The following SGMS1 variants were observed in gnomAD, a reference collection of about 807,000 sequenced individuals.
SGMS1 encodes the protein sphingomyelin synthase 1, also known as phosphatidylcholine:ceramide cholinephosphotransferase 1.
SGMS1 carries 13 observed loss-of-function variants against 46.2 expected under a neutral mutation model. The ratio of observed to expected loss-of-function variants is 0.28; its 90% CI spans 0.18 to 0.45. SGMS1 has a LOEUF of 0.45. Ranked by LOEUF, SGMS1 falls within the 20% of genes least tolerant of loss-of-function variation. The pLI, the probability that SGMS1 is intolerant of heterozygous loss-of-function variation, is 1.00. For synonymous variants in SGMS1, 203 were observed against 187.8 expected (o/e 1.08, Z -0.66); for missense variants, 324 against 519.9 (o/e 0.62, Z 3.66).
At chr10:50,352,027 C>T (rs977466190) in intron 6 of SGMS1, among the ~76,000 whole-genome samples, 14 of 152,190 alleles carry the variant, frequency 9.2e-5, no homozygotes, top group African/African-American at 2.4e-4. Context: ...TTCTGACCCA[C>T]GAGTAAAGAG....
At chr10:50,487,895 C>T (rs962517017) in intron 3 of SGMS1, among the ~76,000 whole-genome samples, 3 of 151,998 alleles carry the variant, frequency 2.0e-5, no homozygotes, top group Admixed American at 6.5e-5. Context: ...TACTATTTTA[C>T]AAGTATTTTC....
At chr10:50,601,164 T>C (rs1450269219) in intron 1 of SGMS1, among the ~76,000 whole-genome samples, 1 of 152,106 alleles carries the variant, frequency 6.6e-6, no homozygotes, top group Non-Finnish European at 1.5e-5. Context: ...GGCTCGAGAA[T>C]GAGCTAATAA....
chr10:50,353,105 T>G (rs1848051388), intron 6 of SGMS1, among the ~76,000 whole-genome samples: 1 of 152,232 alleles, frequency 6.6e-6, no homozygotes, highest in African/African-American at 2.4e-5. Flanking sequence ...AGCATCATCC[T>G]GATACCAAAG....
intron 6 of SGMS1, among the ~76,000 whole-genome samples, chr10:50,412,662 G>T (rs1564906434): frequency 6.6e-6 from 1 of 152,190 alleles, no homozygotes; most frequent in Admixed American, 6.5e-5. Flanking sequence ...CATTTGCTAG[G>T]TGTGCTGCTT....
chr10:50,599,805 G>A (rs1436120475), intron 1 of SGMS1, among the ~76,000 whole-genome samples: 1 of 152,176 alleles, frequency 6.6e-6, no homozygotes, highest in Non-Finnish European at 1.5e-5. Flanking sequence ...AGAGGTTGCA[G>A]TGAGCCAAGA....
intron 6 of SGMS1, among the ~76,000 whole-genome samples, chr10:50,366,275 G>A (rs1848342010): frequency 6.6e-6 from 1 of 152,200 alleles, no homozygotes; most frequent in East Asian, 1.9e-4. Context: ...CAGTTAGAGT[G>A]GCGATCATTA....
rs185541656 is a variant in SGMS1 at position 50,553,477 on chromosome 10, T to C, written c.-588-33556A>G. ...AAAACTCAATAAAAGAAAACTATTA[T>C]TACATTATAGTATTACTGATTTTTA... On this transcript the variant is annotated intron_variant, in intron 2 of 10. Transcript: ENST00000361781. 4.1e-5 allele frequency among the ~76,000 whole-genome samples: 6 copies of C among 147,280 alleles called. No homozygotes were observed. In the East Asian group the frequency reaches 1.2e-3, roughly 30 times the overall value.
intron 3 of SGMS1, among the ~76,000 whole-genome samples, chr10:50,481,239 C>T (rs1044370844): frequency 8.5e-5 from 13 of 152,328 alleles, no homozygotes; most frequent in South Asian, 4.1e-4. Context: ...TGGGGTGAGA[C>T]GCCTCAACAG....
chr10:50,537,200 G>C (rs1838009478), intron 2 of SGMS1, among the ~76,000 whole-genome samples: 2 of 152,208 alleles, frequency 1.3e-5, no homozygotes, highest in South Asian at 2.1e-4. Context: ...TTGATCCTTA[G>C]TTCAAACCTT....
In SGMS1 at chr10:50,347,291, G is replaced by C. The variant is rs1003782827; in HGVS notation, c.-231-2946C>G. Among the ~76,000 whole-genome samples, 4 of 147,344 alleles carry C rather than the reference G, an allele frequency of 2.7e-5. No homozygotes were observed. The East Asian group carries it at 6.0e-4, about 22-fold the overall frequency. ...CCTTTGACCTAGTAATGTGTAGATGGCTTAATGGAAAACAAACCTGCTGAA... is the reference window on the plus strand; with the variant it reads ...CCTTTGACCTAGTAATGTGTAGATGCCTTAATGGAAAACAAACCTGCTGAA... On this transcript the variant is annotated intron_variant, in intron 6 of 10. Transcript: ENST00000361781.
At chr10:50,423,734 C>T (rs1849285111) in intron 6 of SGMS1, among the ~76,000 whole-genome samples, 1 of 152,106 alleles carries the variant, frequency 6.6e-6, no homozygotes, top group Admixed American at 6.5e-5. Flanking sequence ...GCTTCTCTGG[C>T]CAGTCCTTAA....
chr10:50,624,129 C>A (rs1838888664), upstream of SGMS1: 1 of 985,382 alleles, frequency 1.0e-6, no homozygotes, highest in African/African-American at 1.7e-5. Context: ...CAGTTTGGGC[C>A]CCTTGAATTT....
intron 6 of SGMS1, among the ~76,000 whole-genome samples, chr10:50,409,028 T>C (rs1446273669): frequency 6.6e-6 from 1 of 152,246 alleles, no homozygotes; most frequent in Non-Finnish European, 1.5e-5. Flanking sequence ...TCATATAGAT[T>C]AGAGTCCAGA....
At chr10:50,361,874 A>G (rs780710657) in intron 6 of SGMS1, among the ~76,000 whole-genome samples, 7 of 151,932 alleles carry the variant, frequency 4.6e-5, no homozygotes, top group Non-Finnish European at 1.0e-4. Flanking sequence ...CTATTTATTT[A>G]CCTGTATTTT....
rs181454838 is a variant in SGMS1 at position 50,355,776 on chromosome 10, C to G, written c.-231-11431G>C. 9.8e-4 allele frequency among the ~76,000 whole-genome samples: 149 copies of G among 151,932 alleles called. 1 individual carries two copies. In the East Asian group the frequency reaches 0.019, roughly 19 times the overall value. On this transcript the variant is annotated intron_variant, in intron 6 of 10. Coordinates refer to ENST00000361781, the MANE Select transcript of SGMS1 (RefSeq NM_147156.4). The stretch of plus-strand genomic sequence containing the variant: ...GAGCCCCTCTGCCCGGCTGCCCAGT[C>G]TGGGAAGTGAGTAGCGCCTCTTCCC...
chr10:50,476,797 G>A (rs12573520), intron 3 of SGMS1, among the ~76,000 whole-genome samples: 10,141 of 152,296 alleles, frequency 0.067, 885 homozygotes, highest in East Asian at 0.37. Flanking sequence ...CAAGCCAGAA[G>A]CCAACAAGGC....
intron 5 of SGMS1, among the ~76,000 whole-genome samples, chr10:50,438,422 G>C (rs184261700): frequency 6.6e-6 from 1 of 152,282 alleles, no homozygotes; most frequent in East Asian, 1.9e-4. Context: ...AGAAACCAAG[G>C]CTCTAGTTAG....
chr10:50,442,875 C>T (rs1849563298), intron 5 of SGMS1, among the ~76,000 whole-genome samples: 1 of 152,142 alleles, frequency 6.6e-6, no homozygotes, highest in South Asian at 2.1e-4. Context: ...TTAATTAGAT[C>T]CCATTTGTCA....
At chr10:50,581,124 T>C (rs1008613289) in intron 2 of SGMS1, among the ~76,000 whole-genome samples, 3 of 152,218 alleles carry the variant, frequency 2.0e-5, no homozygotes, top group Admixed American at 1.3e-4. Context: ...TTCTCAGTTT[T>C]GAATGCACAG....
Sources: gnomAD v4.1 joint callset for allele counts (sites outside exome capture counted in the v4.1 genomes callset) on GRCh38, gnomAD v4.1.1 for gene constraint, MANE v1.5 for transcripts, NCBI Gene and HGNC (gene_info 2026-07-23, HGNC 2026-07-21) for gene names.